The following NEB variants were observed in gnomAD, a reference collection of about 807,000 sequenced individuals.
NEB encodes the protein nebulin.
NEB carries 512 observed loss-of-function variants against 952.2 expected under a neutral mutation model. That is an observed-to-expected ratio of 0.54 (90% CI 0.50 to 0.58). NEB has a LOEUF of 0.58. NEB is among the 20% of genes least tolerant of loss of function. The pLI is 0.00. For synonymous variants in NEB, 2,900 were observed against 3,149.8 expected (o/e 0.92, Z 2.66); for missense variants, 8,428 against 9,231.1 (o/e 0.91, Z 3.56).
At position 151,650,856 on chromosome 2, in the gene NEB, T is replaced by A; in HGVS notation, c.6945A>T (p.Gln2315His). Residue 2315 changes from glutamine (Q) to histidine (H), a missense_variant, in exon 53 of 182, where the codon CAA becomes CAT. Transcript: ENST00000397345. ...DYKYKQGYRKQLGHHVGFRSL... is the reference protein window; with the variant it reads ...DYKYKQGYRKHLGHHVGFRSL... The stretch of plus-strand genomic sequence containing the variant: ...TCCGGAATCCAACATGGTGGCCAAG[T>A]TGCTTTCGGTAGCCTTGTTTGTATT... The A allele has an allele frequency of 6.2e-7, 1 of 1,613,228 alleles. No homozygotes were observed. Among genetic ancestry groups the A allele is most frequent in the South Asian group, 1.1e-5 (1 of 90,932 alleles).
At position 151,687,609 on chromosome 2, in the gene NEB, C is replaced by T; in HGVS notation, c.2523+17G>A. The T allele has an allele frequency of 6.2e-7, 1 of 1,613,530 alleles. No homozygotes were observed. Among genetic ancestry groups the T allele is most frequent in the Non-Finnish European group, 8.5e-7 (1 of 1,179,592 alleles). On this transcript the variant is annotated intron_variant, in intron 26 of 181. Coordinates refer to ENST00000397345, the MANE Select transcript of NEB (RefSeq NM_001164508.2). ...GGCCACCCTGTCCAGGTCCCCAGGT[C>T]CCCAGGCCACACTCACATCGCTGGT...
At chr2:151,552,462 C>T (rs919959052) in intron 128 of NEB, among the ~76,000 whole-genome samples, 23 of 152,196 alleles carry the variant, frequency 1.5e-4, no homozygotes, top group Admixed American at 1.3e-4. Context: ...AGACTCGCAT[C>T]ACCTACAACT....
At chr2:151,544,015 C>T (rs890734616) in intron 135 of NEB, among the ~76,000 whole-genome samples, 7 of 152,204 alleles carry the variant, frequency 4.6e-5, no homozygotes, top group African/African-American at 1.7e-4. Flanking sequence ...AACCCTCCCC[C>T]GCTCTCCATG....
chr2:151,540,616 C>A, intron 137 of NEB, 81 bp downstream of exon 137: 1 of 1,294,188 alleles, frequency 7.7e-7, no homozygotes, highest in South Asian at 1.3e-5. Context: ...AATGAGCTCT[C>A]TGATCAGAGG....
At chr2:151,487,718 T>C (rs1213201525) in intron 181 of NEB, among the ~76,000 whole-genome samples, 1 of 152,188 alleles carries the variant, frequency 6.6e-6, no homozygotes, top group Non-Finnish European at 1.5e-5. Flanking sequence ...AAGGTAAAAG[T>C]TTTAGGTCAA....
chr2:151,709,123 T>C (rs1213088510), intron 12 of NEB, among the ~76,000 whole-genome samples: 4 of 152,214 alleles, frequency 2.6e-5, no homozygotes, highest in African/African-American at 4.8e-5. Flanking sequence ...ATCAAACATA[T>C]GGAAATATCC....
chr2:151,532,813 A>T (rs1030820506), intron 143 of NEB, among the ~76,000 whole-genome samples: 1 of 151,984 alleles, frequency 6.6e-6, no homozygotes, highest in African/African-American at 2.4e-5. Flanking sequence ...ACCAATTATC[A>T]CTGTTTATTG....
intron 161 of NEB, 101 bp from the exon 162 acceptor site, chr2:151,508,210 G>A: frequency 2.9e-6 from 2 of 693,120 alleles, no homozygotes; most frequent in Admixed American, 5.7e-5. Flanking sequence ...CTCAGCAGAG[G>A]GAAAGTCCTT....
At chr2:151,487,711 G>A (rs2052113068) in intron 181 of NEB, among the ~76,000 whole-genome samples, 1 of 152,078 alleles carries the variant, frequency 6.6e-6, no homozygotes, top group Non-Finnish European at 1.5e-5. Flanking sequence ...GCTTTTGAAG[G>A]TAAAAGTTTT....
intron 159 of NEB, 92 bp downstream of exon 159, chr2:151,514,224 TTC>T (rs2076344310): frequency 1.2e-6 from 1 of 819,640 alleles, no homozygotes; most frequent in Non-Finnish European, 2.1e-6. Flanking sequence ...TTTTTCTCTG[TTC>T]TCTGTTTTTG....
chr2:151,558,328 AAGG>A (rs1489642248), intron 124 of NEB, among the ~76,000 whole-genome samples: 2 of 152,346 alleles, frequency 1.3e-5, no homozygotes, highest in Admixed American at 1.3e-4. Context: ...GGACCTCTTC[AAGG>A]AGAACTACAA....
At position 151,650,371 on chromosome 2, in the gene NEB, A is replaced by G. The variant is rs1301275168; in HGVS notation, c.7236T>C (p.Tyr2412=). The change falls in exon 54 of 182, where the codon TAT becomes TAC. Residue 2412 remains tyrosine, a synonymous_variant. Transcript: ENST00000397345. Reference sequence around the variant, plus strand: ...CTCTCAGCCACTCAAGGTCAGATTTATATAGATTCTGTGAAAAGACAGAGC... The same window carrying G: ...CTCTCAGCCACTCAAGGTCAGATTTGTATAGATTCTGTGAAAAGACAGAGC... ...KVYELQSENL[Y]KSDLEWLRGI... The G allele has an allele frequency of 1.2e-6, 2 of 1,613,640 alleles. No homozygotes were observed. Among genetic ancestry groups the G allele is most frequent in the African/African-American group, 2.7e-5 (2 of 75,026 alleles).
At chr2:151,543,119 G>A (rs1336297780) in intron 135 of NEB, among the ~76,000 whole-genome samples, 1 of 152,036 alleles carries the variant, frequency 6.6e-6, no homozygotes, top group East Asian at 1.9e-4. Flanking sequence ...CCGAGACTAG[G>A]GCACAGCAGT....
At chr2:151,669,723 T>C (rs2099262960) in intron 38 of NEB, among the ~76,000 whole-genome samples, 1 of 152,170 alleles carries the variant, frequency 6.6e-6, no homozygotes, top group African/African-American at 2.4e-5. Context: ...TTTGTCAAGT[T>C]GATGAGTTTA....
intron 124 of NEB, among the ~76,000 whole-genome samples, chr2:151,558,402 G>T (rs2095804739): frequency 6.6e-6 from 1 of 152,150 alleles, no homozygotes; most frequent in Non-Finnish European, 1.5e-5. Context: ...TATGCTCATG[G>T]ATAGGAAGAC....
chr2:151,492,307 G>A, intron 177 of NEB, 26 bp from the exon 178 acceptor site: 1 of 1,604,308 alleles, frequency 6.2e-7, no homozygotes, highest in Non-Finnish European at 8.5e-7. Context: ...TTTGCTTTAT[G>A]AAAATATGAT....
At chr2:151,539,004 G>A (rs1323740847) in intron 138 of NEB, among the ~76,000 whole-genome samples, 1 of 152,156 alleles carries the variant, frequency 6.6e-6, no homozygotes, top group Non-Finnish European at 1.5e-5. Flanking sequence ...TCATAAGATT[G>A]CTTAGATCTA....
chr2:151,570,489 C>T lies in NEB; in HGVS notation c.17118+8G>A, dbSNP rs767062620. The T allele has an allele frequency of 3.8e-5, 60 of 1,592,240 alleles. No individual in the cohort carries two copies. Among genetic ancestry groups the T allele is most frequent in the Non-Finnish European group, 2.3e-5 (27 of 1,173,246 alleles). The stretch of plus-strand genomic sequence containing the variant: ...AAAAAAACTGAGAAGTTAAAAAAGG[C>T]CACTCACGTCACTGGCAATCTCCCT... On this transcript the variant is annotated splice_region_variant and intron_variant, in intron 108 of 181. Transcript: ENST00000397345.
intron 56 of NEB, 114 bp from the exon 57 acceptor site, chr2:151,644,243 G>A: frequency 2.1e-6 from 3 of 1,401,570 alleles, no homozygotes; most frequent in Non-Finnish European, 2.9e-6. Flanking sequence ...GAGAGCCAAA[G>A]ACTTCAGTCT....
Sources: allele counts gnomAD v4.1 joint callset (sites outside exome capture counted in the v4.1 genomes callset), GRCh38; gene constraint gnomAD v4.1.1; transcripts MANE v1.5; gene names NCBI Gene and HGNC (gene_info 2026-07-23, HGNC 2026-07-21).